The following KIAA0319L variants were observed in gnomAD, a reference collection of about 807,000 sequenced individuals.
KIAA0319L encodes KIAA0319 like.
KIAA0319L carries 55 observed loss-of-function variants against 120.1 expected under a neutral mutation model. The observed-to-expected ratio is 0.46, with a 90% CI of 0.37 to 0.57. KIAA0319L has a LOEUF of 0.57. Ranked by LOEUF, KIAA0319L falls within the 20% of genes least tolerant of loss-of-function variation. The probability of loss-of-function intolerance (pLI) is 0.00; values close to 1 mark genes in which losing one functional copy is unlikely to be tolerated. For synonymous variants in KIAA0319L, 398 were observed against 471.9 expected, an observed-to-expected ratio of 0.84 and a Z score of 2.03; for missense variants, 1,049 against 1,255.3, an observed-to-expected ratio of 0.84 and a Z score of 2.48.
intron 3 of KIAA0319L, among the ~76,000 whole-genome samples, chr1:35,490,166 A>T (rs1164289944): frequency 6.6e-6 from 1 of 152,178 alleles, no homozygotes; most frequent in Non-Finnish European, 1.5e-5. Flanking sequence ...GATTACAGAG[A>T]AAAGTACTCA....
At chr1:35,533,380 G>A (rs936063651) in intron 2 of KIAA0319L, 3 of 151,580 alleles carry the variant, frequency 2.0e-5, no homozygotes, top group Non-Finnish European at 4.4e-5. Flanking sequence ...TGAGCTACCA[G>A]TATTATTTCA....
At chr1:35,543,025 C>A (rs1186918881) in intron 2 of KIAA0319L, among the ~76,000 whole-genome samples, 2 of 152,150 alleles carry the variant, frequency 1.3e-5, no homozygotes, top group African/African-American at 4.8e-5. Flanking sequence ...AAAAAGAACC[C>A]ACCAAAATTA....
At chr1:35,513,288 A>ATATATATATATATATATATATT (rs1414704674) in intron 2 of KIAA0319L, among the ~76,000 whole-genome samples, 1 of 85,338 alleles carries the variant, frequency 1.2e-5, no homozygotes, top group African/African-American at 4.3e-5. Flanking sequence ...ATATATATAT[A>ATATATATATATATATATATATT]TTTTTTTTTT....
intron 3 of KIAA0319L, among the ~76,000 whole-genome samples, chr1:35,502,357 G>A (rs181696232): frequency 2.6e-4 from 40 of 151,260 alleles, no homozygotes; most frequent in Non-Finnish European, 4.3e-4. Flanking sequence ...GTTAATACAC[G>A]TAAAGGGTTC....
chr1:35,538,097 C>CG (rs1347734971), intron 2 of KIAA0319L, among the ~76,000 whole-genome samples: 1 of 152,142 alleles, frequency 6.6e-6, no homozygotes, highest in Non-Finnish European at 1.5e-5. Flanking sequence ...TAGCACATCT[C>CG]GGAATTGATC....
intron 3 of KIAA0319L, among the ~76,000 whole-genome samples, chr1:35,488,433 C>T (rs1298129604): frequency 6.6e-6 from 1 of 151,972 alleles, no homozygotes; most frequent in Non-Finnish European, 1.5e-5. Flanking sequence ...ACAGTAGTAT[C>T]AAAAACGAAA....
intron 2 of KIAA0319L, among the ~76,000 whole-genome samples, chr1:35,524,832 CTA>C (rs2148452408): frequency 6.6e-6 from 1 of 152,258 alleles, no homozygotes; most frequent in Admixed American, 6.5e-5. Flanking sequence ...TTTATCATTC[CTA>C]TGTTTTAAGA....
In KIAA0319L at chr1:35,434,934, G is replaced by A; in HGVS notation, c.3110C>T (p.Thr1037Ile). 1 of 1,613,718 alleles carries A rather than the reference G, an allele frequency of 6.2e-7. No homozygotes were observed. The highest frequency in any genetic ancestry group is 1.1e-5 in the South Asian group (1 of 91,056). The change falls in exon 21 of 21, where the codon ACC (threonine) becomes ATC (isoleucine). Residue 1037 changes from threonine (T) to isoleucine (I), a missense_variant. Thr to Ile is a moderately conservative substitution (Grantham distance 89, BLOSUM62 -1). Transcript: ENST00000325722. ...CCGCGGGCTCCTGGCCTTCAGAGGG[G>A]TCTGCCCGTTGGGTACAGAGCCATT... ...GQNGSVPNGQTPLKARSPREE... is the reference protein window; with the variant it reads ...GQNGSVPNGQIPLKARSPREE...
intron 2 of KIAA0319L, among the ~76,000 whole-genome samples, chr1:35,553,352 G>GT (rs1042457578): frequency 8.7e-5 from 12 of 137,738 alleles, no homozygotes; most frequent in South Asian, 2.3e-4. Context: ...ATCATCTGGG[G>GT]TAAAAAAAAA....
intron 15 of KIAA0319L, 61 bp from the exon 16 acceptor site, chr1:35,448,393 CTG>C: frequency 6.7e-7 from 1 of 1,489,102 alleles, no homozygotes; most frequent in Non-Finnish European, 9.3e-7. Flanking sequence ...AGACCTGCCA[CTG>C]TGCATTTGCT....
intron 11 of KIAA0319L, 135 bp downstream of exon 11, chr1:35,454,227 T>C (rs1481352666): frequency 2.4e-6 from 2 of 825,922 alleles, no homozygotes; most frequent in African/African-American, 1.7e-5. Context: ...GAAGGAACAA[T>C]AGAAGTCACC....
chr1:35,537,008 G>A (rs909132347), intron 2 of KIAA0319L, among the ~76,000 whole-genome samples: 3 of 152,078 alleles, frequency 2.0e-5, no homozygotes, highest in African/African-American at 4.8e-5. Flanking sequence ...AGGAGAGCAC[G>A]CCTCCAAGCC....
chr1:35,507,553 G>A (rs1645253284), intron 2 of KIAA0319L, among the ~76,000 whole-genome samples: 1 of 152,200 alleles, frequency 6.6e-6, no homozygotes, highest in South Asian at 2.1e-4. Context: ...ATTTCTCAGG[G>A]ACAATGTGAG....
chr1:35,527,123 C>T (rs1646178721), intron 2 of KIAA0319L, among the ~76,000 whole-genome samples: 1 of 152,090 alleles, frequency 6.6e-6, no homozygotes, highest in Non-Finnish European at 1.5e-5. Context: ...TTATAAGTTG[C>T]TTTTTCTCTG....
intron 3 of KIAA0319L, among the ~76,000 whole-genome samples, chr1:35,490,045 C>G (rs755959393): frequency 1.3e-5 from 2 of 152,136 alleles, no homozygotes; most frequent in Non-Finnish European, 2.9e-5. Flanking sequence ...ACTGCAGCCT[C>G]GACCTCCCAG....
intron 2 of KIAA0319L, among the ~76,000 whole-genome samples, chr1:35,508,915 C>T (rs1645312202): frequency 6.6e-6 from 1 of 152,170 alleles, no homozygotes; most frequent in South Asian, 2.1e-4. Flanking sequence ...ACAACTTCCA[C>T]TTCTGCTCTT....
In KIAA0319L at chr1:35,438,233, G is replaced by A. The variant is rs6697994; in HGVS notation, c.2962+2814C>T. Among the ~76,000 whole-genome samples the A allele has an allele frequency of 2.4e-4, 36 of 152,156 alleles. No homozygotes were observed. In the South Asian group the frequency reaches 7.1e-3, roughly 30 times the overall value. On this transcript the variant is annotated intron_variant, in intron 20 of 20. Coordinates refer to ENST00000325722, the MANE Select transcript of KIAA0319L (RefSeq NM_024874.5). ...CATTCCCTCAACTCCATTCATAACTGTCTTGCACCAAACACTTGATCTCCA... is the reference window on the plus strand; with the variant it reads ...CATTCCCTCAACTCCATTCATAACTATCTTGCACCAAACACTTGATCTCCA...
chr1:35,494,527 G>A (rs1644723097), intron 3 of KIAA0319L, among the ~76,000 whole-genome samples: 1 of 152,066 alleles, frequency 6.6e-6, no homozygotes, highest in African/African-American at 2.4e-5. Context: ...GGGTGTGGTG[G>A]CTCACGCCTA....
At chr1:35,462,224 G>C (rs1437577293) in intron 8 of KIAA0319L, among the ~76,000 whole-genome samples, 1 of 152,144 alleles carries the variant, frequency 6.6e-6, no homozygotes, top group Non-Finnish European at 1.5e-5. Flanking sequence ...TGATGGCTGG[G>C]TAAAAGCTCC....
Sources: gnomAD v4.1 joint callset for allele counts (sites outside exome capture counted in the v4.1 genomes callset) on GRCh38, gnomAD v4.1.1 for gene constraint, MANE v1.5 for transcripts, NCBI Gene and HGNC (gene_info 2026-07-23, HGNC 2026-07-21) for gene names.